Variants in PLCB1 observed in about 807,000 individuals in gnomAD.
PLCB1 encodes the protein 1-phosphatidylinositol 4,5-bisphosphate phosphodiesterase beta-1.
PLCB1 carries 46 observed loss-of-function variants against 161.8 expected under a neutral mutation model. That is an observed-to-expected ratio of 0.28 (90% CI 0.22 to 0.36). PLCB1 has a LOEUF of 0.36. Among genes scored for constraint, PLCB1 ranks in the 10% least tolerant of loss-of-function variants. The pLI, the probability that PLCB1 is intolerant of heterozygous loss-of-function variation, is 1.00. For synonymous variants in PLCB1, 517 were observed against 503.7 expected, an observed-to-expected ratio of 1.03 and a Z score of -0.35; for missense variants, 1,016 against 1,472.5, an observed-to-expected ratio of 0.69 and a Z score of 5.07.
intron 9 of PLCB1, among the ~76,000 whole-genome samples, chr20:8,663,887 C>A (rs1427152565): frequency 2.0e-5 from 3 of 152,078 alleles, no homozygotes; most frequent in African/African-American, 7.2e-5. Context: ...CTTTCAAGAT[C>A]AGTGTCTCCA....
intron 1 of PLCB1, among the ~76,000 whole-genome samples, chr20:8,138,940 A>T (rs2051374773): frequency 1.3e-5 from 2 of 150,984 alleles, no homozygotes; most frequent in African/African-American, 4.9e-5. Context: ...CTATGCATTT[A>T]TCAAGAAACT....
In PLCB1 at chr20:8,510,502, C is replaced by A. The variant is rs542790724; in HGVS notation, c.247-117792C>A. Among the ~76,000 whole-genome samples, 24 of 151,784 alleles carry A rather than the reference C, an allele frequency of 1.6e-4. No homozygotes were observed. In the South Asian group the frequency reaches 4.6e-3, roughly 29 times the overall value. Reference sequence around the variant, plus strand: ...CCAGGTTCAAGCGATTCTCCTGCCTCAGCCTCCCAAGAAGCAGGGATTACA... The same window carrying A: ...CCAGGTTCAAGCGATTCTCCTGCCTAAGCCTCCCAAGAAGCAGGGATTACA... On this transcript the variant is annotated intron_variant, in intron 3 of 31. Transcript: ENST00000338037.
At chr20:8,596,959 T>A (rs1241504229) in intron 3 of PLCB1, among the ~76,000 whole-genome samples, 1 of 152,276 alleles carries the variant, frequency 6.6e-6, no homozygotes, top group African/African-American at 2.4e-5. Flanking sequence ...TTTTGTATCC[T>A]GAGACTTTGC....
At chr20:8,283,801 G>A (rs1348943468) in intron 2 of PLCB1, among the ~76,000 whole-genome samples, 1 of 151,788 alleles carries the variant, frequency 6.6e-6, no homozygotes, top group Non-Finnish European at 1.5e-5. Context: ...GCCTCTTATT[G>A]TTTTGATATC....
chr20:8,774,867 A>G, intron 27 of PLCB1, 148 bp downstream of exon 27: 1 of 540,578 alleles, frequency 1.8e-6, no homozygotes, highest in Non-Finnish European at 3.3e-6. Flanking sequence ...TGTCCATCAC[A>G]CTATTGTTTT....
chr20:8,390,599 C>G (rs1987558712), intron 3 of PLCB1, among the ~76,000 whole-genome samples: 1 of 151,954 alleles, frequency 6.6e-6, no homozygotes, highest in African/African-American at 2.4e-5. Context: ...AGATTTTTTT[C>G]TTTATAATCA....
intron 3 of PLCB1, among the ~76,000 whole-genome samples, chr20:8,478,383 T>G (rs575806456): frequency 6.6e-6 from 1 of 151,936 alleles, no homozygotes; most frequent in Non-Finnish European, 1.5e-5. Context: ...AAAAAAAAAT[T>G]AGTGAAGGGA....
intron 3 of PLCB1, among the ~76,000 whole-genome samples, chr20:8,428,553 A>G (rs1979891497): frequency 6.6e-6 from 1 of 152,226 alleles, no homozygotes; most frequent in Non-Finnish European, 1.5e-5. Flanking sequence ...GTGTTTACAT[A>G]AAAGAAAATA....
Position 8,269,127 on chromosome 20 carries a change from C to A in PLCB1, c.178-102255C>A, listed in dbSNP as rs142804069. ...TGCTTTAATTTCTGGGGTACATGTG[C>A]AGAATGTGCAGGTTTGTTACATAGG... On this transcript the variant is annotated intron_variant, in intron 2 of 31. Transcript: ENST00000338037. 2.2e-3 allele frequency among the ~76,000 whole-genome samples: 338 copies of A among 152,144 alleles called. 1 individual carries two copies. Among genetic ancestry groups the A allele is most frequent in the African/African-American group, 7.4e-3 (306 of 41,504 alleles).
intron 31 of PLCB1, among the ~76,000 whole-genome samples, chr20:8,842,721 C>T (rs1032832808): frequency 6.6e-6 from 1 of 152,110 alleles, no homozygotes; most frequent in East Asian, 1.9e-4. Context: ...GCAGGCGGTG[C>T]GTGACTGGGG....
chr20:8,751,188 C>T, intron 23 of PLCB1: 2 of 208,588 alleles, frequency 9.6e-6, no homozygotes, highest in South Asian at 1.4e-4. Flanking sequence ...TCGGGATCCA[C>T]CCGCCTCGGC....
chr20:8,646,335 G>A (rs1350047134), intron 5 of PLCB1, among the ~76,000 whole-genome samples, 154 bp downstream of exon 5: 1 of 152,144 alleles, frequency 6.6e-6, no homozygotes, highest in East Asian at 1.9e-4. Flanking sequence ...TACCTCCCCT[G>A]TTCAGAATTG....
chr20:8,310,685 C>T (rs118014602), intron 2 of PLCB1, among the ~76,000 whole-genome samples: 1 of 152,198 alleles, frequency 6.6e-6, no homozygotes, highest in East Asian at 1.9e-4. Context: ...ATGCTGATCC[C>T]GTCACCCAGA....
At position 8,826,292 on chromosome 20, in the gene PLCB1, G is replaced by C. The variant is rs186302727; in HGVS notation, c.3423+36031G>C. Among the ~76,000 whole-genome samples, 28 of 152,108 alleles carry C rather than the reference G, an allele frequency of 1.8e-4. No homozygotes were observed. In the South Asian group the frequency reaches 5.8e-3, roughly 32 times the overall value. On this transcript the variant is annotated intron_variant, in intron 31 of 31. Transcript: ENST00000338037. Reference sequence around the variant, plus strand: ...GGGTGGATCACGAGGTCAGGAGATCGAGACCATCCTGGCTAACATGGTGAA... The same window carrying C: ...GGGTGGATCACGAGGTCAGGAGATCCAGACCATCCTGGCTAACATGGTGAA...
chr20:8,261,485 A>G (rs1981694774), intron 2 of PLCB1, among the ~76,000 whole-genome samples: 1 of 152,208 alleles, frequency 6.6e-6, no homozygotes. Flanking sequence ...TTTCCTTCCT[A>G]TAAGATTCCA....
chr20:8,727,391 A>G lies in PLCB1; in HGVS notation c.1761A>G (p.Val587=), dbSNP rs143755415. 134 of 1,525,762 alleles carry G rather than the reference A, an allele frequency of 8.8e-5. No individual in the cohort carries two copies. The highest frequency in any genetic ancestry group is 6.8e-5 in the Admixed American group (4 of 59,178). 94.5% of individuals were successfully genotyped at this position (1,525,762 alleles called of 1,614,324 possible). Residue 587 remains valine (V), a splice_region_variant and synonymous_variant, in exon 17 of 32, where the codon GTA becomes GTG. Coordinates refer to ENST00000338037, the MANE Select transcript of PLCB1 (RefSeq NM_015192.4). Reference sequence around the variant, plus strand: ...TCACCAAGTCTCCAGTGGAATTTGTAGAGTATCCTTGATTTGACGAATGAC... The same window carrying G: ...TCACCAAGTCTCCAGTGGAATTTGTGGAGTATCCTTGATTTGACGAATGAC... The part of the protein sequence containing the change: ...EQLTKSPVEF[V]EYNKMQLSRI...
At chr20:8,717,917 G>T (rs1272116439) in intron 14 of PLCB1, 69 bp downstream of exon 14, 2 of 1,432,852 alleles carry the variant, frequency 1.4e-6, no homozygotes, top group Admixed American at 2.4e-5. Context: ...TGGGCTGTGC[G>T]TGGTGGCTCA....
chr20:8,492,893 AT>A (rs1983006759), intron 3 of PLCB1, among the ~76,000 whole-genome samples: 5 of 149,348 alleles, frequency 3.3e-5, no homozygotes, highest in African/African-American at 7.4e-5. Flanking sequence ...ATGTATGTTC[AT>A]TTTTTTCTGT....
chr20:8,492,848 ATGTGTGTGTGTGTG>A (rs10536329), intron 3 of PLCB1, among the ~76,000 whole-genome samples: 1 of 145,048 alleles, frequency 6.9e-6, no homozygotes, highest in South Asian at 2.2e-4. Context: ...ATATATATAT[ATGTGTGTGTGTGTG>A]TGTGTGTGTG....
Sources: allele counts gnomAD v4.1 joint callset (sites outside exome capture counted in the v4.1 genomes callset), GRCh38; gene constraint gnomAD v4.1.1; transcripts MANE v1.5; gene names NCBI Gene and HGNC (gene_info 2026-07-23, HGNC 2026-07-21).